ANKS1B: variants seen among roughly 807,000 people sequenced by gnomAD.
The protein encoded by ANKS1B is ankyrin repeat and sterile alpha motif domain-containing protein 1B.
In ANKS1B, 36 loss-of-function variants were observed where a neutral mutation model predicts 148.3. That is an observed-to-expected ratio of 0.24 (90% confidence interval 0.19 to 0.32). The LOEUF (loss-of-function observed/expected upper bound fraction) is 0.32. Ranked by LOEUF, ANKS1B falls within the 10% of genes least tolerant of loss-of-function variation. The probability of loss-of-function intolerance (pLI) is 1.00; values close to 1 mark genes in which losing one functional copy is unlikely to be tolerated. For missense variants in ANKS1B, 1,157 were observed against 1,542.6 expected (o/e 0.75, Z 4.19); for synonymous variants, 542 against 560.8 (o/e 0.97, Z 0.47).
intron 1 of ANKS1B, among the ~76,000 whole-genome samples, chr12:99,831,714 CA>C (rs1436426463): frequency 6.6e-6 from 1 of 151,430 alleles, no homozygotes; most frequent in Non-Finnish European, 1.5e-5. Flanking sequence ...TCCTACTGAT[CA>C]GGGTTTTTTT....
chr12:99,513,616 G>A (rs535283459), intron 9 of ANKS1B, among the ~76,000 whole-genome samples: 1 of 151,834 alleles, frequency 6.6e-6, no homozygotes, highest in African/African-American at 2.4e-5. Flanking sequence ...ATATATCCAG[G>A]CACTAAAAGA....
At chr12:98,834,195 T>C (rs939078343) in intron 17 of ANKS1B, among the ~76,000 whole-genome samples, 1 of 152,200 alleles carries the variant, frequency 6.6e-6, no homozygotes, top group Non-Finnish European at 1.5e-5. Context: ...CTTTGCAAGT[T>C]TGTTTTCATA....
intron 1 of ANKS1B, among the ~76,000 whole-genome samples, chr12:99,967,571 A>C (rs374743818): frequency 2.0e-3 from 302 of 152,080 alleles, no homozygotes; most frequent in African/African-American, 6.9e-3. Flanking sequence ...GGTACAAGTC[A>C]CTCCATTACA....
chr12:99,062,776 G>T (rs2042866312), intron 16 of ANKS1B, among the ~76,000 whole-genome samples: 1 of 152,172 alleles, frequency 6.6e-6, no homozygotes, highest in Non-Finnish European at 1.5e-5. Context: ...GGGTTGAGAA[G>T]GGTCAGAGTC....
intron 2 of ANKS1B, among the ~76,000 whole-genome samples, chr12:99,821,942 T>C (rs906425113): frequency 2.6e-5 from 4 of 152,024 alleles, no homozygotes; most frequent in African/African-American, 7.2e-5. Flanking sequence ...AATTAGAAGA[T>C]ATGGCAAAAT....
chr12:99,586,043 T>A (rs903221182), intron 9 of ANKS1B, among the ~76,000 whole-genome samples: 1 of 152,194 alleles, frequency 6.6e-6, no homozygotes, highest in Non-Finnish European at 1.5e-5. Flanking sequence ...CAATTTCTCC[T>A]CAGAAAATGA....
At chr12:99,780,331 A>G (rs1015489619) in intron 5 of ANKS1B, among the ~76,000 whole-genome samples, 4 of 151,942 alleles carry the variant, frequency 2.6e-5, no homozygotes, top group Non-Finnish European at 4.4e-5. Context: ...GCTGGAGTGC[A>G]GTGGCGCGAT....
In ANKS1B at chr12:99,824,216, G is replaced by A. The variant is rs114058229; in HGVS notation, c.215+1093C>T. ...AAAGCAGTAATTACCACATCTAAAA[G>A]ACTAAAGTGAGGGCCAGGCGTGGTA... On this transcript the variant is annotated intron_variant, in intron 2 of 26. Coordinates refer to ENST00000683438, the MANE Select transcript of ANKS1B (RefSeq NM_001352186.2). 7.3e-3 allele frequency among the ~76,000 whole-genome samples: 1,110 copies of A among 152,210 alleles called. 12 individuals are homozygous for A. The highest frequency in any genetic ancestry group is 0.025 in the African/African-American group (1,052 of 41,538).
chr12:99,574,900 G>A (rs184519693), intron 9 of ANKS1B, among the ~76,000 whole-genome samples: 8 of 152,062 alleles, frequency 5.3e-5, no homozygotes, highest in Non-Finnish European at 8.8e-5. Context: ...ATTTACCATC[G>A]TGCCAGAGGT....
intron 10 of ANKS1B, among the ~76,000 whole-genome samples, chr12:99,454,466 A>T (rs1308370480): frequency 1.3e-5 from 2 of 152,228 alleles, no homozygotes; most frequent in Non-Finnish European, 2.9e-5. Flanking sequence ...AAGTTCTAGC[A>T]AAGAGTCAAA....
intron 9 of ANKS1B, among the ~76,000 whole-genome samples, chr12:99,578,449 A>T (rs985254339): frequency 2.0e-5 from 3 of 152,196 alleles, no homozygotes; most frequent in African/African-American, 7.2e-5. Flanking sequence ...TTCTACACTT[A>T]GAAAACCCCA....
intron 9 of ANKS1B, among the ~76,000 whole-genome samples, chr12:99,637,341 T>C (rs2098248277): frequency 6.6e-6 from 1 of 152,128 alleles, no homozygotes; most frequent in Non-Finnish European, 1.5e-5. Context: ...ACCTCTGATA[T>C]GGTTTGGCTG....
chr12:99,928,569 C>T (rs1463266547), intron 1 of ANKS1B, among the ~76,000 whole-genome samples: 13 of 152,236 alleles, frequency 8.5e-5, no homozygotes, highest in Admixed American at 2.6e-4. Flanking sequence ...TGAGCCACCG[C>T]GCCTGGCCTC....
At chr12:99,327,974 C>T (rs2086806624) in intron 12 of ANKS1B, among the ~76,000 whole-genome samples, 1 of 151,766 alleles carries the variant, frequency 6.6e-6, no homozygotes. Context: ...TGATACTCTA[C>T]TACATACAGA....
intron 17 of ANKS1B, among the ~76,000 whole-genome samples, chr12:98,978,404 C>T (rs1001470491): frequency 6.6e-6 from 1 of 152,120 alleles, no homozygotes; most frequent in African/African-American, 2.4e-5. Flanking sequence ...CTTTGCCCCA[C>T]AGATTCCAGT....
intron 14 of ANKS1B, among the ~76,000 whole-genome samples, chr12:99,190,620 T>A (rs1208688386): frequency 6.6e-6 from 1 of 152,178 alleles, no homozygotes; most frequent in African/African-American, 2.4e-5. Flanking sequence ...TAAATACTGC[T>A]GGGAAAACTG....
chr12:98,867,995 A>G (rs557086443), intron 17 of ANKS1B, among the ~76,000 whole-genome samples: 2 of 152,284 alleles, frequency 1.3e-5, no homozygotes, highest in South Asian at 2.1e-4. Context: ...TAGACATTTC[A>G]TTCATGAAAG....
chr12:99,936,382 C>T lies in ANKS1B; in HGVS notation c.134+47722G>A, dbSNP rs12309324. 3.3e-3 allele frequency among the ~76,000 whole-genome samples: 506 copies of T among 152,292 alleles called. 5 individuals carry two copies. Among genetic ancestry groups the T allele is most frequent in the African/African-American group, 0.011 (474 of 41,570 alleles). On this transcript the variant is annotated intron_variant, in intron 1 of 26. Coordinates refer to ENST00000683438, the MANE Select transcript of ANKS1B (RefSeq NM_001352186.2). ...GATAATTAGGCCAGGCACAGTGGCT[C>T]ACACCTGTAATCCCAGCACTTTGGG...
chr12:99,331,178 T>G (rs2087471945), intron 12 of ANKS1B, among the ~76,000 whole-genome samples: 1 of 151,970 alleles, frequency 6.6e-6, no homozygotes, highest in Non-Finnish European at 1.5e-5. Flanking sequence ...AACTTGTGTT[T>G]TAAGACATAA....
Sources: allele counts gnomAD v4.1 joint callset (sites outside exome capture counted in the v4.1 genomes callset), GRCh38; gene constraint gnomAD v4.1.1; transcripts MANE v1.5; gene names NCBI Gene and HGNC (gene_info 2026-07-23, HGNC 2026-07-21).